The following NRP1 variants were observed in gnomAD, a reference collection of about 807,000 sequenced individuals.
NRP1 encodes neuropilin-1.
A neutral mutation model predicts 106.7 loss-of-function variants in NRP1; 35 were observed. The observed-to-expected ratio is 0.33, with a 90% confidence interval of 0.25 to 0.43. The LOEUF is 0.43. NRP1 is among the 20% of genes least tolerant of loss of function. The pLI is 1.00. For synonymous variants in NRP1, 437 were observed against 417.9 expected, an observed-to-expected ratio of 1.05 and a Z score of -0.56; for missense variants, 1,024 against 1,170.4, an observed-to-expected ratio of 0.87 and a Z score of 1.83.
chr10:33,246,349 G>T (rs572411330), intron 6 of NRP1, among the ~76,000 whole-genome samples: 1 of 152,028 alleles, frequency 6.6e-6, no homozygotes, highest in Non-Finnish European at 1.5e-5. Context: ...AAGTTCCTCA[G>T]GACACTGTAG....
Position 33,292,952 on chromosome 10 carries a change from C to T in NRP1, c.249-22096G>A, listed in dbSNP as rs960931533. The stretch of plus-strand genomic sequence containing the variant: ...AGTGAGCCGAGATCGTGCCATTGCA[C>T]TCTGGCCTGGGCAACAGAGTGAGAC... On this transcript the variant is annotated intron_variant, in intron 2 of 16. Coordinates refer to ENST00000374867, the MANE Select transcript of NRP1 (RefSeq NM_003873.7). Among the ~76,000 whole-genome samples the T allele has an allele frequency of 6.0e-5, 9 of 150,994 alleles. No homozygotes were observed. The East Asian group carries it at 1.6e-3, about 26-fold the overall frequency.
chr10:33,325,223 G>C (rs1847803970), intron 2 of NRP1, among the ~76,000 whole-genome samples: 1 of 152,134 alleles, frequency 6.6e-6, no homozygotes, highest in Non-Finnish European at 1.5e-5. Context: ...GGAAAATAGA[G>C]ATGTAGTTTG....
intron 2 of NRP1, among the ~76,000 whole-genome samples, chr10:33,299,276 T>G (rs983279571): frequency 2.6e-5 from 4 of 152,138 alleles, no homozygotes; most frequent in Non-Finnish European, 5.9e-5. Flanking sequence ...CTATCTTCTT[T>G]GTATTCATAG....
intron 2 of NRP1, among the ~76,000 whole-genome samples, chr10:33,325,711 A>G (rs181517891): frequency 7.1e-4 from 108 of 152,360 alleles, no homozygotes; most frequent in Non-Finnish European, 1.2e-3. Context: ...AAAATTCTGA[A>G]ACGAATATCA....
At chr10:33,184,137 G>A (rs1447638259) in intron 15 of NRP1, among the ~76,000 whole-genome samples, 9 of 152,132 alleles carry the variant, frequency 5.9e-5, no homozygotes, top group South Asian at 2.1e-4. Context: ...TCAGCCTTCC[G>A]AGTAGCTGGG....
At chr10:33,189,878 C>T (rs1836290292) in intron 13 of NRP1, among the ~76,000 whole-genome samples, 1 of 152,292 alleles carries the variant, frequency 6.6e-6, no homozygotes, top group South Asian at 2.1e-4. Flanking sequence ...GATCTTTTTC[C>T]CGTTAACAAG....
chr10:33,224,732 C>T (rs1452544845), intron 7 of NRP1, among the ~76,000 whole-genome samples: 2 of 152,070 alleles, frequency 1.3e-5, no homozygotes, highest in South Asian at 4.2e-4. Context: ...TACCCCGCTA[C>T]CGACAAGTCC....
intron 2 of NRP1, among the ~76,000 whole-genome samples, chr10:33,296,565 TG>T (rs1039975904): frequency 1.8e-4 from 28 of 152,162 alleles, no homozygotes; most frequent in African/African-American, 5.3e-4. Context: ...GCTGGAGGCA[TG>T]AGGGGTCCCT....
At chr10:33,188,279 A>C (rs549042347) in intron 13 of NRP1, among the ~76,000 whole-genome samples, 2 of 152,206 alleles carry the variant, frequency 1.3e-5, no homozygotes, top group African/African-American at 2.4e-5. Flanking sequence ...TATTGAGGCT[A>C]GTCAGAGAAT....
chr10:33,225,956 G>A (rs1225596742), intron 7 of NRP1, among the ~76,000 whole-genome samples, 178 bp downstream of exon 7: 2 of 152,098 alleles, frequency 1.3e-5, no homozygotes, highest in African/African-American at 4.8e-5. Context: ...TTTCCTCCCG[G>A]CTTCTGGATC....
chr10:33,290,637 A>G (rs569503334), intron 2 of NRP1, among the ~76,000 whole-genome samples: 2 of 152,222 alleles, frequency 1.3e-5, no homozygotes, highest in South Asian at 4.2e-4. Context: ...CTTTTGTTCA[A>G]TTAGTTTCGT....
In NRP1 at chr10:33,189,311, C is replaced by T. The variant is rs531663706; in HGVS notation, c.2063-2823G>A. Among the ~76,000 whole-genome samples, 21 of 152,318 alleles carry T rather than the reference C, an allele frequency of 1.4e-4. No individual in the cohort carries two copies. The East Asian group carries it at 2.9e-3, about 21-fold the overall frequency. ...TGCCTCTATCTAACTGCTTCCCATACAAAAACCTGTGCAAAGCACACCAAA... is the reference window on the plus strand; with the variant it reads ...TGCCTCTATCTAACTGCTTCCCATATAAAAACCTGTGCAAAGCACACCAAA... On this transcript the variant is annotated intron_variant, in intron 13 of 16. Coordinates refer to ENST00000374867, the MANE Select transcript of NRP1 (RefSeq NM_003873.7).
At chr10:33,270,050 A>G (rs1382606392) in intron 3 of NRP1, among the ~76,000 whole-genome samples, 3 of 152,238 alleles carry the variant, frequency 2.0e-5, no homozygotes, top group East Asian at 3.9e-4. Context: ...CAGTAGAAAA[A>G]TTTTCTTCCA....
At chr10:33,318,954 C>CT (rs1254114151) in intron 2 of NRP1, among the ~76,000 whole-genome samples, 1 of 150,684 alleles carries the variant, frequency 6.6e-6, no homozygotes, top group Non-Finnish European at 1.5e-5. Flanking sequence ...GTGAAGCCAA[C>CT]TGGACTTCCG....
intron 12 of NRP1, among the ~76,000 whole-genome samples, chr10:33,197,057 C>A (rs879433481): frequency 2.0e-5 from 3 of 152,144 alleles, no homozygotes; most frequent in East Asian, 3.8e-4. Flanking sequence ...ACCGTTTAAC[C>A]GTGACTGGCC....
Position 33,334,547 on chromosome 10 carries a change from C to G in NRP1, c.-165G>C, listed in dbSNP as rs1848506492. The G allele has an allele frequency of 1.8e-6, 1 of 570,554 alleles. No homozygotes were observed. The highest frequency in any genetic ancestry group is 2.4e-5 in the South Asian group (1 of 42,388). 35.3% of individuals were successfully genotyped at this position (570,554 alleles called of 1,614,324 possible). ...GAAAGCAGCGAGGCAATGCCTGGAT[C>G]CGAGAGGAACGCTTCTCTTTTTGTG... On this transcript the variant is annotated 5_prime_UTR_variant, in exon 1 of 17. Transcript: ENST00000374867.
At chr10:33,295,498 A>G (rs1845325018) in intron 2 of NRP1, among the ~76,000 whole-genome samples, 1 of 152,178 alleles carries the variant, frequency 6.6e-6, no homozygotes. Flanking sequence ...GCTTGAGTAC[A>G]GGAGTTCCAG....
At chr10:33,207,765 C>G (rs754614137) in intron 9 of NRP1, 49 bp from the exon 10 acceptor site, 9 of 1,590,176 alleles carry the variant, frequency 5.7e-6, no homozygotes, top group Non-Finnish European at 7.7e-6. Flanking sequence ...AAAAACAGAG[C>G]TCCCTTTTAG....
intron 6 of NRP1, among the ~76,000 whole-genome samples, chr10:33,233,925 T>C (rs75318989): frequency 0.015 from 2,277 of 152,304 alleles, 32 homozygotes; most frequent in Non-Finnish European, 0.021. Flanking sequence ...TGAACATCAA[T>C]GCTATTCTAG....
Sources: allele counts gnomAD v4.1 joint callset (sites outside exome capture counted in the v4.1 genomes callset), GRCh38; gene constraint gnomAD v4.1.1; transcripts MANE v1.5; gene names NCBI Gene and HGNC (gene_info 2026-07-23, HGNC 2026-07-21).